Variants in MSN observed in about 807,000 individuals in gnomAD.
MSN encodes the protein epididymis luminal protein 70.
In MSN, 2 loss-of-function variants were observed where a neutral mutation model predicts 48.0. The ratio of observed to expected loss-of-function variants is 0.04; its 90% CI spans 0.02 to 0.13. MSN has a LOEUF of 0.13. Among genes scored for constraint, MSN ranks in the 10% least tolerant of loss-of-function variants. The pLI is 1.00. For missense variants in MSN, 267 were observed against 470.1 expected (o/e 0.57, Z 3.99); for synonymous variants, 146 against 166.9 (o/e 0.87, Z 0.97).
chrX:65,615,754 G>C (rs753033651), intron 1 of MSN, among the ~76,000 whole-genome samples: 35 of 110,470 alleles, frequency 3.2e-4, no homozygotes, highest in African/African-American at 1.2e-3. Flanking sequence ...CATTGCTTTT[G>C]GTGTTTTAGA....
At chrX:65,664,690 A>G (rs1294875818), upstream of MSN, among the ~76,000 whole-genome samples, 1 of 81,095 alleles carries the variant, frequency 1.2e-5, no homozygotes, top group Non-Finnish European at 2.4e-5. Flanking sequence ...CTTTCCCCCT[A>G]TTTCTTAGCT....
At chrX:65,643,862 C>T (rs1240632004) in intron 1 of MSN, among the ~76,000 whole-genome samples, 1 of 111,803 alleles carries the variant, frequency 8.9e-6, no homozygotes, top group African/African-American at 3.2e-5. Context: ...TGTAAGGTGA[C>T]CTAACTTTCT....
chrX:65,713,202 G>A (rs1038105359), intron 1 of MSN, among the ~76,000 whole-genome samples: 1 of 111,314 alleles, frequency 9.0e-6, no homozygotes, highest in African/African-American at 3.3e-5. Context: ...ACCTAGCTTC[G>A]AGGATCTATT....
intron 1 of MSN, among the ~76,000 whole-genome samples, chrX:65,620,743 T>C (rs2070434307): frequency 9.0e-6 from 1 of 111,720 alleles, no homozygotes; most frequent in Admixed American, 9.5e-5. Context: ...TCCTCCATGA[T>C]GTTTTTTGAT....
chrX:65,658,369 G>T (rs1189126384), intron 1 of MSN, among the ~76,000 whole-genome samples: 3 of 111,917 alleles, frequency 2.7e-5, no homozygotes, highest in African/African-American at 9.7e-5. Flanking sequence ...TTTCTCATCT[G>T]TCTCTGACAC....
intron 1 of MSN, among the ~76,000 whole-genome samples, chrX:65,600,359 G>C (rs1401585195): frequency 9.0e-6 from 1 of 111,633 alleles, no homozygotes; most frequent in Non-Finnish European, 1.9e-5. Flanking sequence ...ACCTTCCTCT[G>C]TGCGTGTTTC....
In MSN at chrX:65,737,265, G is replaced by A. The variant is rs1482943021; in HGVS notation, c.1178G>A (p.Arg393His). The change falls in exon 10 of 13, where the codon CGT becomes CAT. Residue 393 changes from arginine (R) to histidine (H), a missense_variant. Physicochemically the swap from Arg to His is conservative, Grantham distance 29 (BLOSUM62 0). This residue lies in a region of MSN where 70 missense variants were observed against 76.3 expected (regional missense o/e 0.92). Coordinates refer to ENST00000360270, the MANE Select transcript of MSN (RefSeq NM_002444.3). ...GAGGCTGAAAAGCTGGCCAAGGAGC[G>A]TCAAGAAGCTGAAGAGGCCAAGGAG... ...QSEAEKLAKE[R>H]QEAEEAKEAL... is the part of the protein sequence containing the mutation. 5.0e-6 allele frequency: 6 copies of A among 1,211,236 alleles called. No homozygotes were observed. The highest frequency in any genetic ancestry group is 3.5e-5 in the South Asian group (2 of 56,758).
intron 1 of MSN, among the ~76,000 whole-genome samples, chrX:65,668,500 C>A (rs769477611): frequency 3.6e-5 from 4 of 111,861 alleles, no homozygotes; most frequent in Non-Finnish European, 7.5e-5. Context: ...ACCGGTTTCT[C>A]CCTCCTCTCC....
intron 10 of MSN, among the ~76,000 whole-genome samples, chrX:65,737,959 A>G: frequency 8.9e-6 from 1 of 112,313 alleles, no homozygotes; most frequent in South Asian, 3.7e-4. Context: ...CTGTGGTCCA[A>G]ACTCCTTGAC....
At chrX:65,617,422 G>T (rs1369336949) in intron 1 of MSN, among the ~76,000 whole-genome samples, 1 of 105,467 alleles carries the variant, frequency 9.5e-6, no homozygotes, top group Non-Finnish European at 1.9e-5. Context: ...ACTTCTTCCT[G>T]GTTTAGTCTT....
intron 1 of MSN, among the ~76,000 whole-genome samples, chrX:65,636,148 A>G (rs2070597511): frequency 9.0e-6 from 1 of 111,038 alleles, no homozygotes; most frequent in African/African-American, 3.3e-5. Context: ...GGACAGATAA[A>G]CCTATCATAT....
intron 1 of MSN, among the ~76,000 whole-genome samples, chrX:65,679,300 CT>C (rs2071031850): frequency 8.9e-6 from 1 of 112,049 alleles, no homozygotes; most frequent in Non-Finnish European, 1.9e-5. Context: ...ATTTCACTTC[CT>C]TTACTCCCTC....
intron 1 of MSN, among the ~76,000 whole-genome samples, chrX:65,660,754 A>G (rs2070816530): frequency 9.0e-6 from 1 of 110,521 alleles, no homozygotes; most frequent in Non-Finnish European, 1.9e-5. Flanking sequence ...TTTAGTAGAG[A>G]TGAGGTTTCA....
At chrX:65,657,020 G>A (rs1364943923) in intron 1 of MSN, among the ~76,000 whole-genome samples, 3 of 112,032 alleles carry the variant, frequency 2.7e-5, no homozygotes, top group African/African-American at 9.7e-5. Flanking sequence ...TGGACAGGCA[G>A]CCTGGAGGCA....
At chrX:65,593,372 G>A (rs1569451967) in intron 1 of MSN, 1 of 111,251 alleles carries the variant, frequency 9.0e-6, no homozygotes, top group Non-Finnish European at 1.9e-5. Context: ...TGTTGCTGAA[G>A]CTGTGAGAAT....
intron 1 of MSN, among the ~76,000 whole-genome samples, chrX:65,610,477 T>A (rs1352500959): frequency 8.9e-6 from 1 of 112,640 alleles, no homozygotes; most frequent in African/African-American, 3.2e-5. Flanking sequence ...TGTATGTATA[T>A]ACCGTATTTT....
chrX:65,704,395 C>T, intron 1 of MSN, among the ~76,000 whole-genome samples: 1 of 112,325 alleles, frequency 8.9e-6, no homozygotes, highest in Non-Finnish European at 1.9e-5. Flanking sequence ...GTGCCCTCCT[C>T]AATCCCCAGC....
intron 1 of MSN, among the ~76,000 whole-genome samples, chrX:65,698,846 C>A (rs1055702730): frequency 1.8e-5 from 2 of 112,086 alleles, no homozygotes; most frequent in Non-Finnish European, 1.9e-5. Flanking sequence ...TTCCTGAAAT[C>A]GCAATGCTGA....
At chrX:65,607,012 C>T (rs972777101) in intron 1 of MSN, among the ~76,000 whole-genome samples, 1 of 111,847 alleles carries the variant, frequency 8.9e-6, no homozygotes, top group Admixed American at 9.5e-5. Context: ...TGATATTAAG[C>T]CTGAGTAGAA....
Sources: gnomAD v4.1 joint callset for allele counts (sites outside exome capture counted in the v4.1 genomes callset) on GRCh38, gnomAD v4.1.1 for gene constraint, gnomAD v4.1.1 regional missense constraint, MANE v1.5 for transcripts, NCBI Gene and HGNC (gene_info 2026-07-23, HGNC 2026-07-21) for gene names.